Variants in NOS1AP observed in about 807,000 individuals in gnomAD.
The protein encoded by NOS1AP is carboxyl-terminal PDZ ligand of neuronal nitric oxide synthase protein.
A neutral mutation model predicts 56.2 loss-of-function variants in NOS1AP; 21 were observed. The ratio of observed to expected loss-of-function variants is 0.37; its 90% CI spans 0.26 to 0.54. NOS1AP has a LOEUF of 0.54. Ranked by LOEUF, NOS1AP falls within the 20% of genes least tolerant of loss-of-function variation. The pLI, the probability that NOS1AP is intolerant of heterozygous loss-of-function variation, is 0.84. For synonymous variants in NOS1AP, 270 were observed against 274.6 expected (o/e 0.98, Z 0.17); for missense variants, 522 against 657.8 (o/e 0.79, Z 2.26).
intron 3 of NOS1AP, among the ~76,000 whole-genome samples, chr1:162,287,959 G>A (rs910211829): frequency 3.9e-5 from 6 of 152,152 alleles, no homozygotes; most frequent in African/African-American, 1.2e-4. Flanking sequence ...CTGCTGCTCC[G>A]TGTGCAGGGA....
chr1:162,094,438 T>A (rs1380245296), intron 1 of NOS1AP, among the ~76,000 whole-genome samples: 1 of 152,192 alleles, frequency 6.6e-6, no homozygotes, highest in African/African-American at 2.4e-5. Context: ...TGATTTATTC[T>A]TCCCCTGGAG....
intron 4 of NOS1AP, among the ~76,000 whole-genome samples, chr1:162,329,449 A>G (rs1443331856): frequency 6.6e-6 from 1 of 152,214 alleles, no homozygotes; most frequent in Non-Finnish European, 1.5e-5. Context: ...TATTAACATT[A>G]TATGAACTAC....
intron 4 of NOS1AP, among the ~76,000 whole-genome samples, chr1:162,321,387 C>T (rs545908439): frequency 1.3e-5 from 2 of 152,206 alleles, no homozygotes; most frequent in East Asian, 3.9e-4. Context: ...TACTATGCAG[C>T]CATAAAAAAT....
At chr1:162,338,053 A>G (rs1344771027) in intron 5 of NOS1AP, among the ~76,000 whole-genome samples, 1 of 152,230 alleles carries the variant, frequency 6.6e-6, no homozygotes, top group Non-Finnish European at 1.5e-5. Context: ...ACATTAAAGA[A>G]ACATGACATT....
chr1:162,096,294 C>T (rs115722787), intron 1 of NOS1AP, among the ~76,000 whole-genome samples: 3,044 of 152,240 alleles, frequency 0.02, 110 homozygotes, highest in African/African-American at 0.069. Context: ...TCCATGTCAG[C>T]GTATTTATTT....
chr1:162,075,059 T>A (rs1691739505), intron 1 of NOS1AP, among the ~76,000 whole-genome samples: 1 of 152,212 alleles, frequency 6.6e-6, no homozygotes, highest in Non-Finnish European at 1.5e-5. Context: ...CAAGTTCACA[T>A]TGCAAGATTG....
chr1:162,123,820 T>A (rs543970584), intron 1 of NOS1AP, among the ~76,000 whole-genome samples: 1 of 152,230 alleles, frequency 6.6e-6, no homozygotes, highest in South Asian at 2.1e-4. Flanking sequence ...CTTGAACCAT[T>A]TAAGAGTAAG....
intron 2 of NOS1AP, among the ~76,000 whole-genome samples, chr1:162,228,522 CAGAAT>C (rs1317924234): frequency 1.3e-5 from 2 of 152,172 alleles, no homozygotes; most frequent in African/African-American, 4.8e-5. Context: ...ACTGAGGAGA[CAGAAT>C]AGGAGTTCAA....
intron 5 of NOS1AP, among the ~76,000 whole-genome samples, chr1:162,336,126 C>T (rs1232146168): frequency 2.6e-5 from 4 of 152,198 alleles, no homozygotes; most frequent in African/African-American, 9.7e-5. Flanking sequence ...GTTCCAGCCT[C>T]ATATTACATC....
At chr1:162,103,452 T>C (rs955662287) in intron 1 of NOS1AP, among the ~76,000 whole-genome samples, 3 of 152,320 alleles carry the variant, frequency 2.0e-5, no homozygotes, top group African/African-American at 4.8e-5. Flanking sequence ...TCACGTCCAC[T>C]TGATTCAGAG....
chr1:162,315,825 T>C (rs1443126960), intron 4 of NOS1AP, among the ~76,000 whole-genome samples: 2 of 152,246 alleles, frequency 1.3e-5, no homozygotes, highest in African/African-American at 4.8e-5. Context: ...TTTCCTGATT[T>C]CATCCCTACC....
chr1:162,209,655 A>G (rs1051176520), intron 2 of NOS1AP, among the ~76,000 whole-genome samples: 1 of 152,152 alleles, frequency 6.6e-6, no homozygotes, highest in Non-Finnish European at 1.5e-5. Context: ...TTAAATACTC[A>G]TGGAAGAGAA....
At chr1:162,073,794 C>T (rs960870580) in intron 1 of NOS1AP, among the ~76,000 whole-genome samples, 2 of 152,222 alleles carry the variant, frequency 1.3e-5, no homozygotes. Flanking sequence ...CCAGATTTCC[C>T]TTTGGGCTGA....
intron 8 of NOS1AP, chr1:162,360,880 C>T (rs1210201286): frequency 2.2e-6 from 1 of 456,716 alleles, no homozygotes; most frequent in Non-Finnish European, 4.4e-6. Flanking sequence ...TCCCTAACTT[C>T]AGCCTGGCCC....
chr1:162,182,313 C>T (rs993858290), intron 2 of NOS1AP, among the ~76,000 whole-genome samples: 4 of 152,156 alleles, frequency 2.6e-5, no homozygotes, highest in Non-Finnish European at 5.9e-5. Flanking sequence ...GGAGATACTG[C>T]GGGTTTGGTT....
intron 4 of NOS1AP, among the ~76,000 whole-genome samples, chr1:162,309,606 G>A (rs1347333545): frequency 1.3e-5 from 2 of 152,182 alleles, no homozygotes; most frequent in Non-Finnish European, 2.9e-5. Flanking sequence ...ACAGGAGAAT[G>A]AGTAGTTCAG....
intron 1 of NOS1AP, among the ~76,000 whole-genome samples, chr1:162,118,118 A>G (rs1443956973): frequency 1.3e-5 from 2 of 152,240 alleles, no homozygotes; most frequent in South Asian, 4.1e-4. Context: ...CAACTTTTTT[A>G]TAGATTAACA....
At chr1:162,221,979 A>T (rs1400400184) in intron 2 of NOS1AP, among the ~76,000 whole-genome samples, 2 of 152,176 alleles carry the variant, frequency 1.3e-5, no homozygotes, top group Non-Finnish European at 2.9e-5. Flanking sequence ...TCATTCTCCC[A>T]TTGAATATTT....
At chr1:162,289,280 T>C (rs12070013) in intron 3 of NOS1AP, among the ~76,000 whole-genome samples, 9,410 of 35,852 alleles carry the variant, frequency 0.26, 1,404 homozygotes, top group Non-Finnish European at 0.35. Flanking sequence ...TTCCTTCCTT[T>C]CCTTCCTTCC....
Sources: gnomAD v4.1 joint callset for allele counts (sites outside exome capture counted in the v4.1 genomes callset) on GRCh38, gnomAD v4.1.1 for gene constraint, MANE v1.5 for transcripts, NCBI Gene and HGNC (gene_info 2026-07-23, HGNC 2026-07-21) for gene names.